Variants in CYTH1 observed in about 807,000 individuals in gnomAD.
CYTH1 encodes the protein cytohesin 1.
Under a neutral mutation model 61.8 loss-of-function variants are expected in CYTH1, and 18 were observed. The observed-to-expected ratio is 0.29, with a 90% CI of 0.20 to 0.43. The LOEUF is 0.43. Among genes scored for constraint, CYTH1 ranks in the 20% least tolerant of loss-of-function variants. CYTH1 has a pLI of 1.00. For synonymous variants in CYTH1, 174 were observed against 184.3 expected (o/e 0.94, Z 0.45); for missense variants, 336 against 510.5 (o/e 0.66, Z 3.29).
intron 1 of CYTH1, among the ~76,000 whole-genome samples, chr17:78,729,472 T>A (rs1448587348): frequency 6.6e-6 from 1 of 152,134 alleles, no homozygotes; most frequent in Non-Finnish European, 1.5e-5. Flanking sequence ...CTGGCAGGAA[T>A]CAGAATGCCA....
chr17:78,676,419 A>C (rs1659438889), intron 13 of CYTH1: 1 of 520,216 alleles, frequency 1.9e-6, no homozygotes. Context: ...TCAACATAAT[A>C]ATCAATTCAC....
intron 1 of CYTH1, among the ~76,000 whole-genome samples, chr17:78,781,869 C>T (rs970180844): frequency 3.3e-5 from 5 of 151,566 alleles, no homozygotes; most frequent in Non-Finnish European, 7.4e-5. Context: ...GAGATCCTGC[C>T]CCGCGACCCC....
At chr17:78,726,752 A>G (rs981065353) in intron 1 of CYTH1, among the ~76,000 whole-genome samples, 3 of 151,914 alleles carry the variant, frequency 2.0e-5, no homozygotes, top group Non-Finnish European at 4.4e-5. Flanking sequence ...GAGTTGGGCG[A>G]GAGATAAAGA....
chr17:78,724,024 C>T (rs981812374), intron 1 of CYTH1: 1 of 152,296 alleles, frequency 6.6e-6, no homozygotes, highest in Non-Finnish European at 1.5e-5. Flanking sequence ...TCGCCTCCTA[C>T]TCAGTACACT....
intron 1 of CYTH1, among the ~76,000 whole-genome samples, chr17:78,735,675 A>G (rs187291132): frequency 6.6e-6 from 1 of 152,208 alleles, no homozygotes; most frequent in African/African-American, 2.4e-5. Flanking sequence ...TTTATAGTGA[A>G]CCAGAGTGGG....
In CYTH1 at chr17:78,742,011, T is replaced by C. The variant is rs377289856; in HGVS notation, c.23-32279A>G. On this transcript the variant is annotated intron_variant, in intron 1 of 13. Transcript: ENST00000446868. The stretch of plus-strand genomic sequence containing the variant: ...GAATTGAAGGAGCTGGTATGTTTAA[T>C]GGTTGCATTATGTATATGTTGTAAC... 1.2e-4 allele frequency among the ~76,000 whole-genome samples: 19 copies of C among 152,380 alleles called. No individual in the cohort carries two copies. The East Asian group carries it at 2.9e-3, about 23-fold the overall frequency.
At position 78,700,160 on chromosome 17, in the gene CYTH1, C is replaced by A. The variant is rs1282051286; in HGVS notation, c.550+171G>T. On this transcript the variant is annotated intron_variant, in intron 7 of 13. Coordinates refer to ENST00000446868, the MANE Select transcript of CYTH1 (RefSeq NM_004762.6). This position sits in a 1 kb window ranked among gnomAD's most constrained non-coding sequence, Gnocchi z 5.1. The stretch of plus-strand genomic sequence containing the variant: ...GGTACCACAATTTAAATTCATAGTG[C>A]CTTAATGTCAGACTTTCAGGTTATT... 2.6e-5 allele frequency among the ~76,000 whole-genome samples: 4 copies of A among 152,144 alleles called. No individual in the cohort carries two copies. The highest frequency in any genetic ancestry group is 4.4e-5 in the Non-Finnish European group (3 of 68,036).
intron 6 of CYTH1, among the ~76,000 whole-genome samples, chr17:78,701,470 A>C (rs1361457284): frequency 6.6e-6 from 1 of 152,248 alleles, no homozygotes; most frequent in Admixed American, 6.5e-5. Context: ...ATCGGCCTCC[A>C]GAACGTAACA....
chr17:78,709,874 A>G, intron 1 of CYTH1, 142 bp from the exon 2 acceptor site: 1 of 678,828 alleles, frequency 1.5e-6, no homozygotes, highest in Non-Finnish European at 2.5e-6. Context: ...AGAAATAGTT[A>G]TGGCTCCAAT....
At chr17:78,689,774 A>G (rs1306529642) in intron 11 of CYTH1, among the ~76,000 whole-genome samples, 1 of 151,846 alleles carries the variant, frequency 6.6e-6, no homozygotes, top group Non-Finnish European at 1.5e-5. Context: ...CACTTTTCCC[A>G]TTTCACCAAT....
chr17:78,750,482 AT>A (rs2093375686), intron 1 of CYTH1, among the ~76,000 whole-genome samples: 1 of 152,152 alleles, frequency 6.6e-6, no homozygotes, highest in Non-Finnish European at 1.5e-5. Context: ...GCTATAGCTG[AT>A]TCTTGCTATT....
chr17:78,732,662 A>G (rs1013400264), intron 1 of CYTH1, among the ~76,000 whole-genome samples: 1 of 152,228 alleles, frequency 6.6e-6, no homozygotes, highest in Non-Finnish European at 1.5e-5. Flanking sequence ...TACAAAATCC[A>G]TAAGGAAGGG....
chr17:78,739,198 T>C (rs954422495), intron 1 of CYTH1, among the ~76,000 whole-genome samples: 21 of 152,380 alleles, frequency 1.4e-4, no homozygotes, highest in African/African-American at 5.0e-4. Flanking sequence ...ACAAATATTT[T>C]GTCATAACCA....
At chr17:78,764,752 A>ATGAT (rs2093441688) in intron 1 of CYTH1, among the ~76,000 whole-genome samples, 1 of 152,034 alleles carries the variant, frequency 6.6e-6, no homozygotes, top group Admixed American at 6.6e-5. Context: ...CATGGATTTA[A>ATGAT]TGATTCAGTC....
chr17:78,702,721 C>A, intron 3 of CYTH1, 117 bp from the exon 4 acceptor site: 1 of 1,091,510 alleles, frequency 9.2e-7, no homozygotes. Context: ...AGGAAAGCAA[C>A]AGGCATAATC....
chr17:78,769,588 A>C (rs778963628), intron 1 of CYTH1, among the ~76,000 whole-genome samples: 59 of 152,174 alleles, frequency 3.9e-4, no homozygotes, highest in Non-Finnish European at 8.1e-4. Context: ...CTACTGTGAC[A>C]CGCTCCTTCA....
At chr17:78,719,172 A>T (rs570075409) in intron 1 of CYTH1, among the ~76,000 whole-genome samples, 1 of 152,312 alleles carries the variant, frequency 6.6e-6, no homozygotes, top group African/African-American at 2.4e-5. Flanking sequence ...CTTGGGTCCT[A>T]AGCCTAGCTT....
chr17:78,702,006 T>C (rs977661777), intron 5 of CYTH1, 116 bp downstream of exon 5: 1 of 897,198 alleles, frequency 1.1e-6, no homozygotes, highest in Non-Finnish European at 1.8e-6. Context: ...CCAGTGGGGC[T>C]ACAGATGCTT....
Position 78,698,971 on chromosome 17 carries a change from A to G in CYTH1, c.551-3T>C, listed in dbSNP as rs1451324630. 1.2e-6 allele frequency: 2 copies of G among 1,610,148 alleles called. No individual in the cohort carries two copies. The highest frequency in any genetic ancestry group is 2.2e-5 in the East Asian group (1 of 44,592). Reference sequence around the variant, plus strand: ...AAAGGAGAGGACGTAACAAGTATCTAAAGATGAGAGAAAAGCAAAGGGGAG... The same window carrying G: ...AAAGGAGAGGACGTAACAAGTATCTGAAGATGAGAGAAAAGCAAAGGGGAG... On this transcript the variant is annotated splice_region_variant and splice_polypyrimidine_tract_variant and intron_variant, in intron 7 of 13. Transcript: ENST00000446868.
Sources: gnomAD v4.1 joint callset for allele counts (sites outside exome capture counted in the v4.1 genomes callset) on GRCh38, gnomAD v4.1.1 for gene constraint, Gnocchi (gnomAD v3.1) non-coding constraint, MANE v1.5 for transcripts, NCBI Gene and HGNC (gene_info 2026-07-23, HGNC 2026-07-21) for gene names.